Variants in AFG2A observed in about 807,000 individuals in gnomAD.
AFG2A encodes ATPase family gene 2 protein homolog A.
chr4:123,003,278 A>G, the AFG2A span, among the ~76,000 whole-genome samples: 1 of 152,122 alleles, frequency 6.6e-6, no homozygotes, highest in Non-Finnish European at 1.5e-5. Flanking sequence ...GAGTAGTTTG[A>G]TCATTTGAAG....
the AFG2A span, chr4:122,934,235 A>G: frequency 7.4e-6 from 12 of 1,614,066 alleles, no homozygotes; most frequent in African/African-American, 1.5e-4. Context: ...ACTGATGCCC[A>G]AAGAATGGCC....
chr4:123,055,016 A>T, the AFG2A span, among the ~76,000 whole-genome samples: 1 of 152,164 alleles, frequency 6.6e-6, no homozygotes, highest in Non-Finnish European at 1.5e-5. Flanking sequence ...CTTAACTTTC[A>T]TAAAACCCTT....
chr4:123,299,721 A>G, the AFG2A span, among the ~76,000 whole-genome samples: 3 of 152,314 alleles, frequency 2.0e-5, no homozygotes, highest in East Asian at 5.8e-4. Context: ...TGTAAAGTAT[A>G]TGAGTACAGT....
At chr4:123,260,861 G>A in the AFG2A span, among the ~76,000 whole-genome samples, 2 of 152,118 alleles carry the variant, frequency 1.3e-5, no homozygotes, top group Non-Finnish European at 2.9e-5. Context: ...TACAGACCAG[G>A]GGTCCCCAAC....
the AFG2A span, among the ~76,000 whole-genome samples, chr4:123,175,144 GA>G: frequency 2.6e-5 from 4 of 151,972 alleles, no homozygotes; most frequent in Non-Finnish European, 5.9e-5. Flanking sequence ...AACTATCAGG[GA>G]TACATTTTTT....
At chr4:123,033,154 G>A in the AFG2A span, among the ~76,000 whole-genome samples, 1 of 152,066 alleles carries the variant, frequency 6.6e-6, no homozygotes, top group East Asian at 1.9e-4. Context: ...TTTTGCATGG[G>A]AAGCTGCATA....
chr4:123,047,785 C>T, the AFG2A span, among the ~76,000 whole-genome samples: 1 of 151,972 alleles, frequency 6.6e-6, no homozygotes, highest in African/African-American at 2.4e-5. Context: ...TTACTTCAGC[C>T]TTGAACTCCA....
the AFG2A span, among the ~76,000 whole-genome samples, chr4:123,041,211 C>T: frequency 1.4e-3 from 207 of 150,976 alleles, 1 homozygote; most frequent in African/African-American, 4.4e-3. Flanking sequence ...CCCGGGTTCA[C>T]GCCATTCTTC....
At chr4:122,986,933 T>C in the AFG2A span, among the ~76,000 whole-genome samples, 1 of 152,200 alleles carries the variant, frequency 6.6e-6, no homozygotes, top group Non-Finnish European at 1.5e-5. Context: ...AGTCTCTTAC[T>C]GTTCCTGTAT....
At chr4:123,117,522 A>C in the AFG2A span, among the ~76,000 whole-genome samples, 10 of 150,896 alleles carry the variant, frequency 6.6e-5, no homozygotes, top group Non-Finnish European at 8.9e-5. Context: ...ATATTTAATG[A>C]TACTCATCTA....
chr4:123,251,354 T>C, the AFG2A span, among the ~76,000 whole-genome samples: 3 of 152,186 alleles, frequency 2.0e-5, no homozygotes, highest in African/African-American at 7.2e-5. Context: ...GATGAGAGAA[T>C]TGTTGAAGTT....
the AFG2A span, among the ~76,000 whole-genome samples, chr4:123,110,669 A>G: frequency 3.3e-5 from 5 of 152,294 alleles, no homozygotes; most frequent in South Asian, 1.0e-3. Context: ...TACCACTTTT[A>G]TTTGAGCACA....
the AFG2A span, among the ~76,000 whole-genome samples, chr4:123,240,285 A>G: frequency 6.6e-6 from 1 of 152,200 alleles, no homozygotes; most frequent in Non-Finnish European, 1.5e-5. Context: ...CAGACTTAAT[A>G]GATATCTACA....
At chr4:123,038,037 A>G in the AFG2A span, among the ~76,000 whole-genome samples, 3 of 152,082 alleles carry the variant, frequency 2.0e-5, no homozygotes, top group Non-Finnish European at 4.4e-5. Context: ...CCTTCTGCTA[A>G]TAACATTCTA....
the AFG2A span, among the ~76,000 whole-genome samples, chr4:123,303,769 AC>A: frequency 6.6e-6 from 1 of 151,912 alleles, no homozygotes; most frequent in African/African-American, 2.4e-5. Flanking sequence ...TTCAACAAAA[AC>A]AAACAAACAA....
the AFG2A span, among the ~76,000 whole-genome samples, chr4:123,232,774 G>A: frequency 6.6e-6 from 1 of 151,998 alleles, no homozygotes; most frequent in African/African-American, 2.4e-5. Context: ...TTATGTCGTG[G>A]CAGAATGAGG....
At chr4:123,102,523 A>G in the AFG2A span, among the ~76,000 whole-genome samples, 1 of 151,996 alleles carries the variant, frequency 6.6e-6, no homozygotes, top group Non-Finnish European at 1.5e-5. Flanking sequence ...TTTTTAATGA[A>G]TATGAATGTA....
the AFG2A span, among the ~76,000 whole-genome samples, chr4:123,217,438 A>G: frequency 6.6e-6 from 1 of 152,190 alleles, no homozygotes; most frequent in African/African-American, 2.4e-5. Context: ...CTTTAGTTTT[A>G]TTGTCATTAA....
At chr4:123,043,170 C>T in the AFG2A span, among the ~76,000 whole-genome samples, 115 of 152,270 alleles carry the variant, frequency 7.6e-4, no homozygotes, top group Middle Eastern at 3.4e-3. Flanking sequence ...TTTTTTCTTG[C>T]AGCACTTGTC....
Sources: gnomAD v4.1 joint callset for allele counts (sites outside exome capture counted in the v4.1 genomes callset) on GRCh38, gnomAD v4.1.1 for gene constraint, MANE v1.5 for transcripts, NCBI Gene and HGNC (gene_info 2026-07-23, HGNC 2026-07-21) for gene names.